The following DLG5 variants were observed in gnomAD, a reference collection of about 807,000 sequenced individuals.
DLG5 encodes disks large homolog 5.
Under a neutral mutation model 189.8 loss-of-function variants are expected in DLG5, and 48 were observed. The ratio of observed to expected loss-of-function variants is 0.25; its 90% confidence interval spans 0.20 to 0.32. DLG5 has a LOEUF of 0.32. Among genes scored for constraint, DLG5 ranks in the 10% least tolerant of loss-of-function variants. The probability of loss-of-function intolerance (pLI) is 1.00; values close to 1 mark genes in which losing one functional copy is unlikely to be tolerated. For synonymous variants in DLG5, 1,016 were observed against 1,054.1 expected (o/e 0.96, Z 0.70); for missense variants, 2,160 against 2,544.7 (o/e 0.85, Z 3.25).
At chr10:77,830,014 AG>A (rs1169167355) in intron 11 of DLG5, among the ~76,000 whole-genome samples, 1 of 152,236 alleles carries the variant, frequency 6.6e-6, no homozygotes, top group East Asian at 1.9e-4. Context: ...TGGTAACTAA[AG>A]AATAATCAGA....
At chr10:77,868,183 G>C (rs1395961137) in intron 2 of DLG5, 2 of 442,056 alleles carry the variant, frequency 4.5e-6, no homozygotes, top group Non-Finnish European at 9.2e-6. Flanking sequence ...GCGGCACTTT[G>C]TTATAGCAGC....
intron 2 of DLG5, among the ~76,000 whole-genome samples, chr10:77,859,971 C>T (rs962517249): frequency 6.6e-6 from 1 of 152,232 alleles, no homozygotes; most frequent in Non-Finnish European, 1.5e-5. Context: ...GGTGCTGAGT[C>T]ATCTGACTGA....
At chr10:77,817,667 G>C in intron 18 of DLG5, 110 bp downstream of exon 18, 1 of 894,034 alleles carries the variant, frequency 1.1e-6, no homozygotes, top group Non-Finnish European at 1.7e-6. Flanking sequence ...GTCCCAGGAG[G>C]TGACAGGAGC....
intron 22 of DLG5, among the ~76,000 whole-genome samples, 177 bp from the exon 23 acceptor site, chr10:77,811,411 C>T (rs1841765941): frequency 6.6e-6 from 1 of 151,988 alleles, no homozygotes; most frequent in South Asian, 2.1e-4. Context: ...CACCTGTCCT[C>T]TCCCCTCCAC....
chr10:77,886,008 C>T (rs1845427379), intron 1 of DLG5, among the ~76,000 whole-genome samples: 1 of 152,224 alleles, frequency 6.6e-6, no homozygotes, highest in Non-Finnish European at 1.5e-5. Context: ...ACACCCTGTG[C>T]AGGCTGTGAG....
chr10:77,921,609 C>T (rs919883259), intron 1 of DLG5, among the ~76,000 whole-genome samples: 2 of 152,238 alleles, frequency 1.3e-5, no homozygotes, highest in Non-Finnish European at 2.9e-5. Context: ...TGGGTAAACA[C>T]ATGGCTCCTC....
chr10:77,883,695 T>C (rs1845352232), intron 1 of DLG5, among the ~76,000 whole-genome samples: 2 of 137,044 alleles, frequency 1.5e-5, no homozygotes, highest in African/African-American at 6.0e-5. Flanking sequence ...ATTGTTCTTT[T>C]TTTTTTTTTT....
rs150130932 is a variant in DLG5 at position 77,832,643 on chromosome 10, C to G, written c.1748+1271G>C. On this transcript the variant is annotated intron_variant, in intron 9 of 31. Transcript: ENST00000372391. ...CAACACAGACCCCCTCACCAGCATC[C>G]TGCCAGTTAGAGAACTTAGCAGACA... Among the ~76,000 whole-genome samples, 39 of 152,256 alleles carry G rather than the reference C, an allele frequency of 2.6e-4. No homozygotes were observed. The East Asian group carries it at 7.5e-3, about 29-fold the overall frequency.
At chr10:77,917,641 T>C (rs1846402722) in intron 1 of DLG5, among the ~76,000 whole-genome samples, 1 of 152,100 alleles carries the variant, frequency 6.6e-6, no homozygotes, top group Non-Finnish European at 1.5e-5. Flanking sequence ...GGGGGCCATG[T>C]AGTTATTATT....
At chr10:77,794,751 TC>T in intron 30 of DLG5, 97 bp downstream of exon 30, 1 of 899,320 alleles carries the variant, frequency 1.1e-6, no homozygotes, top group South Asian at 1.5e-5. Context: ...CATCTCTCAT[TC>T]CTCAACCCCC....
At position 77,794,121 on chromosome 10, in the gene DLG5, T is replaced by G; in HGVS notation, c.5547-4A>C. On this transcript the variant is annotated splice_polypyrimidine_tract_variant and splice_region_variant and intron_variant, in intron 30 of 31. Transcript: ENST00000372391. ...GTAGATGGGGTCTCTCTGCTCCCTGTGGGGACAGCCAGACACCAGGCTGAG... is the reference window on the plus strand; with the variant it reads ...GTAGATGGGGTCTCTCTGCTCCCTGGGGGGACAGCCAGACACCAGGCTGAG... The G allele has an allele frequency of 6.2e-7, 1 of 1,613,146 alleles. No homozygotes were observed.
chr10:77,884,136 G>C (rs1373563792), intron 1 of DLG5, among the ~76,000 whole-genome samples: 4 of 152,198 alleles, frequency 2.6e-5, no homozygotes, highest in Admixed American at 1.3e-4. Context: ...GCAAGAGAAT[G>C]ATGCATCCTA....
chr10:77,816,701 C>A lies in DLG5; in HGVS notation c.3875G>T (p.Gly1292Val), dbSNP rs1237698021. The part of the protein sequence containing the change: ...YPRSVVGSER[G>V]SVSHSECSTP... Reference sequence around the variant, plus strand: ...GCTGCATTCAGAATGTGACACTGAACCTGCAGAGAGGAGCGGGTAATGCCG... The same window carrying A: ...GCTGCATTCAGAATGTGACACTGAAACTGCAGAGAGGAGCGGGTAATGCCG... The change falls in exon 20 of 32, where the codon GGT (glycine) becomes GTT (valine). Residue 1292 changes from glycine (G) to valine (V), a missense_variant and splice_region_variant. This residue lies in a region of DLG5 where 754 missense variants were observed against 746.5 expected (regional missense o/e 1.01). Transcript: ENST00000372391. 1 of 1,604,494 alleles carries A rather than the reference C, an allele frequency of 6.2e-7. No homozygotes were observed. Among genetic ancestry groups the A allele is most frequent in the Admixed American group, 1.7e-5 (1 of 59,330 alleles).
At chr10:77,863,511 T>C (rs1844554292) in intron 2 of DLG5, among the ~76,000 whole-genome samples, 1 of 152,170 alleles carries the variant, frequency 6.6e-6, no homozygotes, top group African/African-American at 2.4e-5. Context: ...CTGTGGTTAT[T>C]TACAGTAAAC....
intron 7 of DLG5, among the ~76,000 whole-genome samples, chr10:77,837,741 G>A (rs1843217279): frequency 6.6e-6 from 1 of 152,194 alleles, no homozygotes. Context: ...GATCAGTACT[G>A]GCTCCTCTAC....
At chr10:77,899,755 A>G (rs1845870175) in intron 1 of DLG5, among the ~76,000 whole-genome samples, 1 of 152,104 alleles carries the variant, frequency 6.6e-6, no homozygotes, top group Non-Finnish European at 1.5e-5. Flanking sequence ...TCTTCCTCCA[A>G]AACTTCAGCT....
In DLG5 at chr10:77,836,000, G is replaced by A. The variant is rs1344981098; in HGVS notation, c.1438-78C>T. On this transcript the variant is annotated intron_variant, in intron 7 of 31. Transcript: ENST00000372391. ...AGGAGCGCCTCCCACCAGTGCGGGG[G>A]CCAAGGCTGAGGCTCTAGGGAGCTG... 2.7e-6 allele frequency: 4 copies of A among 1,477,780 alleles called. No homozygotes were observed. In the Admixed American group the frequency reaches 7.8e-5, roughly 29 times the overall value. The allele number at this position is 1,477,780 out of a possible 1,614,324, so 91.5% of individuals were successfully genotyped here.
intron 2 of DLG5, among the ~76,000 whole-genome samples, chr10:77,863,935 G>A (rs1844571958): frequency 6.6e-6 from 1 of 152,186 alleles, no homozygotes; most frequent in Non-Finnish European, 1.5e-5. Flanking sequence ...TGGAAGAGGA[G>A]AGAAGGAAGC....
upstream of DLG5, chr10:77,928,195 G>T (rs1589291267): frequency 6.6e-6 from 1 of 152,312 alleles, no homozygotes; most frequent in East Asian, 1.9e-4. Flanking sequence ...TTGTCCTTAG[G>T]AAAAATGGTG....
Sources: gnomAD v4.1 joint callset for allele counts (sites outside exome capture counted in the v4.1 genomes callset) on GRCh38, gnomAD v4.1.1 for gene constraint, gnomAD v4.1.1 regional missense constraint, MANE v1.5 for transcripts, NCBI Gene and HGNC (gene_info 2026-07-23, HGNC 2026-07-21) for gene names.